The following GBE1 variants were observed in gnomAD, a reference collection of about 807,000 sequenced individuals.
GBE1 encodes 1,4-alpha-glucan branching enzyme 1.
A neutral mutation model predicts 88.8 loss-of-function variants in GBE1; 70 were observed. The observed-to-expected ratio is 0.79, with a 90% CI of 0.65 to 0.96. The LOEUF (loss-of-function observed/expected upper bound fraction) is 0.96. Among genes scored for constraint, GBE1 ranks in the 40% least tolerant of loss-of-function variants. GBE1 has a pLI of 0.00. For synonymous variants in GBE1, 284 were observed against 300.1 expected (o/e 0.95, Z 0.56); for missense variants, 872 against 871.0 (o/e 1.00, Z -0.01).
intron 1 of GBE1, among the ~76,000 whole-genome samples, chr3:81,719,804 A>C (rs1418484852): frequency 3.9e-5 from 6 of 152,164 alleles, no homozygotes. Context: ...ACTAACAAAC[A>C]CTAATTTTTT....
chr3:81,724,623 C>T (rs996574719), intron 1 of GBE1, among the ~76,000 whole-genome samples: 1 of 152,100 alleles, frequency 6.6e-6, no homozygotes, highest in African/African-American at 2.4e-5. Flanking sequence ...TTCCAAACCC[C>T]TTTAATAGTC....
intron 3 of GBE1, among the ~76,000 whole-genome samples, chr3:81,669,077 C>A (rs116570267): frequency 0.017 from 2,630 of 152,148 alleles, 91 homozygotes; most frequent in African/African-American, 0.061. Context: ...TAAAAATCAA[C>A]CTTATGAGGT....
chr3:81,507,899 A>T (rs999393129), intron 14 of GBE1, among the ~76,000 whole-genome samples: 4 of 152,140 alleles, frequency 2.6e-5, no homozygotes, highest in Admixed American at 2.6e-4. Context: ...CTTCAACAAA[A>T]GGTTTCTGGT....
intron 12 of GBE1, among the ~76,000 whole-genome samples, chr3:81,557,693 A>G (rs1031668120): frequency 2.0e-5 from 3 of 152,070 alleles, no homozygotes; most frequent in Non-Finnish European, 4.4e-5. Flanking sequence ...ATAATGATAT[A>G]GGAGTTATTT....
At chr3:81,567,191 C>T (rs926812203) in intron 12 of GBE1, among the ~76,000 whole-genome samples, 18 of 152,176 alleles carry the variant, frequency 1.2e-4, no homozygotes. Flanking sequence ...TAACATTATT[C>T]AACATGGATG....
At position 81,517,733 on chromosome 3, in the gene GBE1, C is replaced by A. The variant is rs185152037; in HGVS notation, c.1934+17462G>T. 2.9e-4 allele frequency among the ~76,000 whole-genome samples: 44 copies of A among 151,366 alleles called. No individual in the cohort carries two copies. In the East Asian group the frequency reaches 7.8e-3, roughly 27 times the overall value. On this transcript the variant is annotated intron_variant, in intron 14 of 15. Coordinates refer to ENST00000429644, the MANE Select transcript of GBE1 (RefSeq NM_000158.4). ...TGATAATAGCTTATCAATTTTTATA[C>A]CATTTAATTAAATTACTGTTTTAAG...
chr3:81,730,541 T>A (rs957780797), intron 1 of GBE1, among the ~76,000 whole-genome samples: 1 of 152,204 alleles, frequency 6.6e-6, no homozygotes, highest in African/African-American at 2.4e-5. Flanking sequence ...AATTGAAAGC[T>A]AACACTACTG....
At chr3:81,761,339 C>T in intron 1 of GBE1, 36 bp downstream of exon 1, 1 of 1,576,622 alleles carries the variant, frequency 6.3e-7, no homozygotes, top group Non-Finnish European at 8.6e-7. Flanking sequence ...AGGCGGGCTG[C>T]CTGTCTAAGT....
At chr3:81,648,121 C>T (rs993073240) in intron 5 of GBE1, among the ~76,000 whole-genome samples, 2 of 152,042 alleles carry the variant, frequency 1.3e-5, no homozygotes, top group Non-Finnish European at 2.9e-5. Flanking sequence ...AAAACTTTAA[C>T]CATGCCTTAC....
At chr3:81,618,372 C>T (rs753345213) in intron 7 of GBE1, among the ~76,000 whole-genome samples, 3 of 152,010 alleles carry the variant, frequency 2.0e-5, no homozygotes, top group Non-Finnish European at 2.9e-5. Flanking sequence ...GACTTATTAA[C>T]GTAAGTACTC....
intron 14 of GBE1, among the ~76,000 whole-genome samples, chr3:81,505,763 T>C (rs1414583757): frequency 6.6e-6 from 1 of 152,052 alleles, no homozygotes; most frequent in Non-Finnish European, 1.5e-5. Context: ...TCTATGTGTG[T>C]GTGTATTTGT....
intron 14 of GBE1, among the ~76,000 whole-genome samples, chr3:81,504,697 G>T (rs1484953594): frequency 6.6e-6 from 1 of 152,132 alleles, no homozygotes; most frequent in African/African-American, 2.4e-5. Context: ...AAGAGCCAGT[G>T]TTCTGAAGGA....
intron 3 of GBE1, among the ~76,000 whole-genome samples, chr3:81,664,481 A>ATAG (rs1559680757): frequency 2.0e-5 from 3 of 151,804 alleles, no homozygotes; most frequent in Non-Finnish European, 4.4e-5. Flanking sequence ...ACGAAGACAA[A>ATAG]TAGTACAGAT....
intron 12 of GBE1, among the ~76,000 whole-genome samples, chr3:81,566,225 C>T (rs1703494110): frequency 6.6e-6 from 1 of 152,170 alleles, no homozygotes; most frequent in Non-Finnish European, 1.5e-5. Flanking sequence ...CTCTTCACTT[C>T]CTAGCCTTAA....
At chr3:81,599,818 T>C (rs1164696583) in intron 7 of GBE1, among the ~76,000 whole-genome samples, 1 of 152,228 alleles carries the variant, frequency 6.6e-6, no homozygotes, top group Non-Finnish European at 1.5e-5. Context: ...GACTTGAACA[T>C]AGGTAATATA....
intron 1 of GBE1, among the ~76,000 whole-genome samples, chr3:81,727,236 G>T (rs1706125932): frequency 6.6e-6 from 1 of 152,022 alleles, no homozygotes; most frequent in Non-Finnish European, 1.5e-5. Flanking sequence ...TTCTTCCCTT[G>T]GTGCAATATT....
intron 1 of GBE1, among the ~76,000 whole-genome samples, chr3:81,724,422 A>G (rs1486703941): frequency 3.3e-5 from 5 of 152,186 alleles, no homozygotes; most frequent in Non-Finnish European, 5.9e-5. Context: ...TATAGTACCA[A>G]CATGTGTATT....
At chr3:81,734,210 T>C (rs1706225157) in intron 1 of GBE1, among the ~76,000 whole-genome samples, 1 of 152,196 alleles carries the variant, frequency 6.6e-6, no homozygotes, top group African/African-American at 2.4e-5. Flanking sequence ...ATAAATACAC[T>C]AAATTTCCTA....
intron 10 of GBE1, among the ~76,000 whole-genome samples, chr3:81,582,001 T>C (rs1703737532): frequency 1.3e-5 from 2 of 151,996 alleles, no homozygotes; most frequent in Non-Finnish European, 2.9e-5. Context: ...TCTACCACTG[T>C]GAAACTCTTG....
Sources: gnomAD v4.1 joint callset for allele counts (sites outside exome capture counted in the v4.1 genomes callset) on GRCh38, gnomAD v4.1.1 for gene constraint, MANE v1.5 for transcripts, NCBI Gene and HGNC (gene_info 2026-07-23, HGNC 2026-07-21) for gene names.